The following MPP4 variants were observed in gnomAD, a reference collection of about 807,000 sequenced individuals.
The protein encoded by MPP4 is MAGUK p55 subfamily member 4.
A neutral mutation model predicts 98.3 loss-of-function variants in MPP4; 91 were observed. The observed-to-expected ratio is 0.93, with a 90% CI of 0.78 to 1.10. The LOEUF is 1.10. Ranked by LOEUF, MPP4 falls within the 50% of genes least tolerant of loss-of-function variation. MPP4 has a pLI of 0.00. For synonymous variants in MPP4, 261 were observed against 271.8 expected, an observed-to-expected ratio of 0.96 and a Z score of 0.39; for missense variants, 744 against 792.9, an observed-to-expected ratio of 0.94 and a Z score of 0.74.
rs62193368 is a variant in MPP4 at position 201,653,893 on chromosome 2, G to A, written c.1381+944C>T. 2.4e-3 allele frequency among the ~76,000 whole-genome samples: 372 copies of A among 152,170 alleles called. 2 individuals carry two copies. Among genetic ancestry groups the A allele is most frequent in the African/African-American group, 1.8e-3 (76 of 41,528 alleles). Reference sequence around the variant, plus strand: ...TATAGAGAAAAGTCTGGAAGATTACGTTTTAGGAGTTGCTTTGGAGCTGGT... The same window carrying A: ...TATAGAGAAAAGTCTGGAAGATTACATTTTAGGAGTTGCTTTGGAGCTGGT... On this transcript the variant is annotated intron_variant, in intron 18 of 21. Coordinates refer to ENST00000409474, the MANE Select transcript of MPP4 (RefSeq NM_033066.3).
intron 7 of MPP4, among the ~76,000 whole-genome samples, chr2:201,683,888 G>T (rs1328079964): frequency 6.6e-6 from 1 of 152,152 alleles, no homozygotes; most frequent in Non-Finnish European, 1.5e-5. Flanking sequence ...CTTCGGGGTA[G>T]TGAAGATGTA....
chr2:201,658,538 T>C lies in MPP4; in HGVS notation c.1088-20A>G. 6.2e-7 allele frequency: 1 copy of C among 1,608,356 alleles called. No homozygotes were observed. Among genetic ancestry groups the C allele is most frequent in the South Asian group, 1.1e-5 (1 of 89,660 alleles). ...CCTTGTCTGAAACACAAAGAACAGA[T>C]GGAGCAGAATATGTGAGAGCGAGAA... On this transcript the variant is annotated intron_variant, in intron 15 of 21. Transcript: ENST00000409474.
At position 201,675,214 on chromosome 2, in the gene MPP4, T is replaced by G; in HGVS notation, c.987A>C (p.Ser329=). The G allele has an allele frequency of 6.2e-7, 1 of 1,608,124 alleles. No homozygotes were observed. The highest frequency in any genetic ancestry group is 8.5e-7 in the Non-Finnish European group (1 of 1,177,432). Residue 329 remains serine, a synonymous_variant, in exon 11 of 22, where the codon TCA becomes TCC. Coordinates refer to ENST00000409474, the MANE Select transcript of MPP4 (RefSeq NM_033066.3). The stretch of plus-strand genomic sequence containing the variant: ...GGCAGTTGCAATACTCACATAGGGT[T>G]GACTTGAGGCAGGTGTGAGGCTGGT... ...QPYQPHTCLK[S]TLSISMEEED...
intron 5 of MPP4, 149 bp downstream of exon 5, chr2:201,687,142 C>A: frequency 1.5e-6 from 1 of 666,230 alleles, no homozygotes; most frequent in South Asian, 2.0e-5. Context: ...CTGAGTCCCA[C>A]ATATTTAAGT....
At chr2:201,661,942 T>C in intron 14 of MPP4, 1 of 310,582 alleles carries the variant, frequency 3.2e-6, no homozygotes, top group Non-Finnish European at 6.3e-6. Flanking sequence ...AATTAAAAAC[T>C]AAGCCAAATG....
intron 10 of MPP4, among the ~76,000 whole-genome samples, chr2:201,678,307 G>A (rs1445577640): frequency 6.6e-6 from 1 of 151,970 alleles, no homozygotes; most frequent in Non-Finnish European, 1.5e-5. Flanking sequence ...CAGCCCCCAA[G>A]CTCAGGTCAC....
At chr2:201,694,774 C>T (rs1038859192) in intron 1 of MPP4, among the ~76,000 whole-genome samples, 1 of 151,752 alleles carries the variant, frequency 6.6e-6, no homozygotes, top group Admixed American at 6.6e-5. Context: ...GCATGTGCCA[C>T]CACACTCGGC....
intron 14 of MPP4, among the ~76,000 whole-genome samples, chr2:201,660,563 T>C (rs1687997226): frequency 6.6e-6 from 1 of 152,118 alleles, no homozygotes; most frequent in South Asian, 2.1e-4. Flanking sequence ...ACAGTAACTT[T>C]TTCTGAAAGT....
At chr2:201,654,164 C>T (rs1180625338) in intron 18 of MPP4, among the ~76,000 whole-genome samples, 4 of 151,914 alleles carry the variant, frequency 2.6e-5, no homozygotes, top group African/African-American at 7.3e-5. Flanking sequence ...TAAGTAGAGA[C>T]GGGGTTTCAC....
Position 201,645,367 on chromosome 2 carries a change from C to T in MPP4, c.1757G>A (p.Arg586Lys), listed in dbSNP as rs943535782. The change falls in exon 22 of 22, where the codon AGA (arginine) becomes AAA (lysine). Residue 586 changes from arginine (R) to lysine (K), a missense_variant. Coordinates refer to ENST00000409474, the MANE Select transcript of MPP4 (RefSeq NM_033066.3). ...DLQEMENLAQ[R>K]METQFGQFFD... ...AAATTGGCCAAACTGAGTTTCCATT[C>T]TTTGGGCTAAATTTTCCATCTCTTG... 1 of 1,613,958 alleles carries T rather than the reference C, an allele frequency of 6.2e-7. No individual in the cohort carries two copies. The highest frequency in any genetic ancestry group is 1.3e-5 in the African/African-American group (1 of 75,038).
chr2:201,676,730 T>C (rs1010503870), intron 10 of MPP4, among the ~76,000 whole-genome samples: 3 of 152,028 alleles, frequency 2.0e-5, no homozygotes, highest in Admixed American at 1.3e-4. Flanking sequence ...TGAAACCCCA[T>C]CTCTACTAAA....
At chr2:201,697,575 G>A (rs754904278) in intron 1 of MPP4, among the ~76,000 whole-genome samples, 1 of 152,174 alleles carries the variant, frequency 6.6e-6, no homozygotes, top group Non-Finnish European at 1.5e-5. Flanking sequence ...GTAGAACAAG[G>A]AGAGGCCAAG....
At chr2:201,682,604 G>A (rs1688696149) in intron 8 of MPP4, among the ~76,000 whole-genome samples, 1 of 152,158 alleles carries the variant, frequency 6.6e-6, no homozygotes, top group South Asian at 2.1e-4. Flanking sequence ...GGAAGGAGCT[G>A]CTTGGGACGG....
At chr2:201,651,726 G>A (rs1240479579) in intron 18 of MPP4, 1 of 833,536 alleles carries the variant, frequency 1.2e-6, no homozygotes, top group Non-Finnish European at 1.4e-6. Context: ...GGCCAAGGCG[G>A]GTGGATCACC....
chr2:201,674,846 C>G (rs148288660), intron 11 of MPP4, among the ~76,000 whole-genome samples: 88 of 152,146 alleles, frequency 5.8e-4, no homozygotes, highest in South Asian at 1.9e-3. Context: ...TTTGTGACAT[C>G]TTTTTAGGTT....
At chr2:201,651,857 G>A (rs796488729) in intron 18 of MPP4, 8 of 337,448 alleles carry the variant, frequency 2.4e-5, no homozygotes, top group African/African-American at 1.1e-4. Flanking sequence ...AGGAGGCTGA[G>A]GCAGGAGAAT....
chr2:201,685,623 C>A, intron 6 of MPP4, among the ~76,000 whole-genome samples: 1 of 152,150 alleles, frequency 6.6e-6, no homozygotes, highest in Non-Finnish European at 1.5e-5. Flanking sequence ...ATGCATAGGT[C>A]AGAAAGCCAA....
At chr2:201,674,505 A>AGACCTCAGCT (rs60675469) in intron 11 of MPP4, among the ~76,000 whole-genome samples, 62,406 of 151,864 alleles carry the variant, frequency 0.41, 12,964 homozygotes, top group Admixed American at 0.51. Flanking sequence ...GGTCTGAGGT[A>AGACCTCAGCT]GACACATACT....
At chr2:201,681,381 A>C in intron 9 of MPP4, 115 bp downstream of exon 9, 1 of 878,298 alleles carries the variant, frequency 1.1e-6, no homozygotes. Flanking sequence ...TATCCAACAC[A>C]GTCTTGAATC....
Sources: gnomAD v4.1 joint callset for allele counts (sites outside exome capture counted in the v4.1 genomes callset) on GRCh38, gnomAD v4.1.1 for gene constraint, MANE v1.5 for transcripts, NCBI Gene and HGNC (gene_info 2026-07-23, HGNC 2026-07-21) for gene names.